The following TGIF2 variants were observed in gnomAD, a reference collection of about 807,000 sequenced individuals.
TGIF2 encodes homeobox protein TGIF2.
TGIF2 carries 5 observed loss-of-function variants against 15.1 expected under a neutral mutation model. That is an observed-to-expected ratio of 0.33 (90% CI 0.17 to 0.70). The LOEUF is 0.70. Among genes scored for constraint, TGIF2 ranks in the 30% least tolerant of loss-of-function variants. The pLI is 0.67. For missense variants in TGIF2, 264 were observed against 302.5 expected (o/e 0.87, Z 0.94); for synonymous variants, 131 against 128.9 (o/e 1.02, Z -0.11).
chr20:36,580,096 C>A (rs1205786310), intron 2 of TGIF2, among the ~76,000 whole-genome samples: 1 of 152,130 alleles, frequency 6.6e-6, no homozygotes, highest in Non-Finnish European at 1.5e-5. Context: ...CTGCTCCCTT[C>A]CTGAGCCAGT....
rs561366461 is a variant in TGIF2, at chr20:36,586,964, G to C, written c.193-3946G>C. ...GTGATTCCTCCCTTGTTCCTCAGCA[G>C]CCTCTCAGATAGAGCCCTGTTTTAT... On this transcript the variant is annotated intron_variant, in intron 2 of 2. Transcript: ENST00000373872. 1.1e-3 allele frequency among the ~76,000 whole-genome samples: 169 copies of C among 152,282 alleles called. 1 individual carries two copies. Among genetic ancestry groups the C allele is most frequent in the African/African-American group, 3.9e-3 (163 of 41,570 alleles).
chr20:36,591,324 G>A lies in TGIF2; in HGVS notation c.607G>A (p.Glu203Lys). ...CTTCAGCAGCTTCCAGCTGCTGGTGGAGGTGGCGCTACAGAGGGCTGCTGA... is the reference window on the plus strand; with the variant it reads ...CTTCAGCAGCTTCCAGCTGCTGGTGAAGGTGGCGCTACAGAGGGCTGCTGA... ...EDFSSFQLLV[E>K]VALQRAAEME... Residue 203 changes from glutamate (E) to lysine (K), a missense_variant, in exon 3 of 3, where the codon GAG (glutamate) becomes AAG (lysine). By Grantham distance (56) the Glu-to-Lys change is moderately conservative (BLOSUM62 1). Transcript: ENST00000373872. The surrounding 1 kb of genome is among the most constrained non-coding windows in gnomAD (Gnocchi z 5.3). 1 of 1,614,204 alleles carries A rather than the reference G, an allele frequency of 6.2e-7. No homozygotes were observed.
chr20:36,581,102 G>A (rs2038537061), intron 2 of TGIF2, among the ~76,000 whole-genome samples: 1 of 152,130 alleles, frequency 6.6e-6, no homozygotes, highest in African/African-American at 2.4e-5. Context: ...ACTCCAGCCT[G>A]GGCAACAAGA....
Position 36,584,213 on chromosome 20 carries a change from A to G in TGIF2, c.192+5247A>G, listed in dbSNP as rs2038605572. ...GACCATTTTCCTCCCACCCCTGACCAGGAGGCTCCCAGTCCCTAAAGGAGC... is the reference window on the plus strand; with the variant it reads ...GACCATTTTCCTCCCACCCCTGACCGGGAGGCTCCCAGTCCCTAAAGGAGC... On this transcript the variant is annotated intron_variant, in intron 2 of 2. Coordinates refer to ENST00000373872, the MANE Select transcript of TGIF2 (RefSeq NM_021809.7). Among the ~76,000 whole-genome samples the G allele has an allele frequency of 3.9e-5, 6 of 152,178 alleles. No homozygotes were observed. The South Asian group carries it at 1.2e-3, about 32-fold the overall frequency.
chr20:36,590,257 G>T (rs562437377), intron 2 of TGIF2, among the ~76,000 whole-genome samples: 18 of 151,418 alleles, frequency 1.2e-4, no homozygotes, highest in African/African-American at 4.4e-4. Context: ...GTGCCCAGCC[G>T]GGGGAGGGTC....
At chr20:36,587,371 C>G (rs987556362) in intron 2 of TGIF2, among the ~76,000 whole-genome samples, 6 of 152,292 alleles carry the variant, frequency 3.9e-5, no homozygotes, top group Admixed American at 3.9e-4. Flanking sequence ...CACACAGATG[C>G]TGAGAAATGC....
At chr20:36,578,249 C>CA (rs2038471734) in intron 1 of TGIF2, among the ~76,000 whole-genome samples, 1 of 151,472 alleles carries the variant, frequency 6.6e-6, no homozygotes, top group Non-Finnish European at 1.5e-5. Flanking sequence ...CTGTGTCTAC[C>CA]AAAAAATACA....
chr20:36,580,760 G>T (rs1192789452), intron 2 of TGIF2, among the ~76,000 whole-genome samples: 2 of 141,194 alleles, frequency 1.4e-5, no homozygotes, highest in East Asian at 4.3e-4. Context: ...GCTGCAGTGA[G>T]CTGTGATCGC....
chr20:36,578,329 C>T lies in TGIF2; in HGVS notation c.-34-412C>T, dbSNP rs2038473231. On this transcript the variant is annotated intron_variant, in intron 1 of 2. Transcript: ENST00000373872. ...CTCAGAGGCTGAGGTGGGAGAATCA[C>T]TTGAACCCAGGAGACAGAAGTTGAA... 2.6e-5 allele frequency among the ~76,000 whole-genome samples: 4 copies of T among 151,634 alleles called. No individual in the cohort carries two copies. In the South Asian group the frequency reaches 8.3e-4, roughly 31 times the overall value.
In TGIF2 at chr20:36,573,713, G is replaced by C. The variant is rs941833970; in HGVS notation, c.-67G>C. 1 of 152,104 alleles carries C rather than the reference G, an allele frequency of 6.6e-6. No homozygotes were observed. Among genetic ancestry groups the C allele is most frequent in the African/African-American group, 2.4e-5 (1 of 41,388 alleles). 9.4% of individuals were successfully genotyped at this position (152,104 alleles called of 1,614,324 possible). Reference sequence around the variant, plus strand: ...CGCCGGGACGCCCCGCGCCGAGCCGGAGGCCGCGTGGACCCGAAAGCCGCT... The same window carrying C: ...CGCCGGGACGCCCCGCGCCGAGCCGCAGGCCGCGTGGACCCGAAAGCCGCT... On this transcript the variant is annotated 5_prime_UTR_variant, in exon 1 of 3. Coordinates refer to ENST00000373872, the MANE Select transcript of TGIF2 (RefSeq NM_021809.7).
At chr20:36,589,349 A>C (rs2038721823) in intron 2 of TGIF2, among the ~76,000 whole-genome samples, 1 of 152,084 alleles carries the variant, frequency 6.6e-6, no homozygotes, top group Non-Finnish European at 1.5e-5. Context: ...TTGAATGAGC[A>C]AGAAGCCTTG....
intron 2 of TGIF2, among the ~76,000 whole-genome samples, chr20:36,585,390 G>A (rs764918602): frequency 6.6e-5 from 10 of 150,432 alleles, no homozygotes; most frequent in Middle Eastern, 3.2e-3. Context: ...TTGAACCCGG[G>A]GGTGGTGGAG....
chr20:36,579,381 C>T lies in TGIF2; in HGVS notation c.192+415C>T, dbSNP rs536884781. ...AGAGACAGGGTTTCACCATGTTGGC[C>T]AGGCTGGTCTCGAACTCCTGACCTT... On this transcript the variant is annotated intron_variant, in intron 2 of 2. Transcript: ENST00000373872. Among the ~76,000 whole-genome samples, 4 of 152,204 alleles carry T rather than the reference C, an allele frequency of 2.6e-5. No individual in the cohort carries two copies. The East Asian group carries it at 7.7e-4, about 29-fold the overall frequency.
chr20:36,576,145 A>G (rs958323162), intron 1 of TGIF2, among the ~76,000 whole-genome samples: 1 of 152,170 alleles, frequency 6.6e-6, no homozygotes, highest in African/African-American at 2.4e-5. Flanking sequence ...CACGTGTGAA[A>G]CAGAACTTTG....
intron 2 of TGIF2, among the ~76,000 whole-genome samples, chr20:36,583,152 T>C (rs2038579726): frequency 6.6e-6 from 1 of 151,814 alleles, no homozygotes; most frequent in Non-Finnish European, 1.5e-5. Flanking sequence ...TGGTGGTACA[T>C]GCCTGTAACC....
chr20:36,575,012 AG>A (rs1318125675), intron 1 of TGIF2, among the ~76,000 whole-genome samples: 2 of 151,786 alleles, frequency 1.3e-5, no homozygotes, highest in Non-Finnish European at 2.9e-5. Context: ...ACTGATTGTT[AG>A]TGTGATGACG....
intron 2 of TGIF2, among the ~76,000 whole-genome samples, chr20:36,586,995 A>C (rs1182723271): frequency 6.6e-6 from 1 of 152,194 alleles, no homozygotes; most frequent in Non-Finnish European, 1.5e-5. Flanking sequence ...TTTATGGTAG[A>C]GACCGGCTTT....
chr20:36,582,231 G>C (rs997224859), intron 2 of TGIF2, among the ~76,000 whole-genome samples: 1 of 151,556 alleles, frequency 6.6e-6, no homozygotes, highest in Non-Finnish European at 1.5e-5. Flanking sequence ...AGCGAAACTC[G>C]GTCTCAAAAA....
At chr20:36,587,008 G>T (rs749628) in intron 2 of TGIF2, among the ~76,000 whole-genome samples, 1 of 152,076 alleles carries the variant, frequency 6.6e-6, no homozygotes, top group South Asian at 2.1e-4. Context: ...CCGGCTTTCC[G>T]GTTCCCAGCC....
Sources: gnomAD v4.1 joint callset for allele counts (sites outside exome capture counted in the v4.1 genomes callset) on GRCh38, gnomAD v4.1.1 for gene constraint, Gnocchi (gnomAD v3.1) non-coding constraint, MANE v1.5 for transcripts, NCBI Gene and HGNC (gene_info 2026-07-23, HGNC 2026-07-21) for gene names.